Variants in JPT2 observed in about 807,000 individuals in gnomAD.
The protein encoded by JPT2 is CRAMP_1 like.
Under a neutral mutation model 15.9 loss-of-function variants are expected in JPT2, and 9 were observed. That is an observed-to-expected ratio of 0.57 (90% CI 0.34 to 0.99). The LOEUF is 0.99. Among genes scored for constraint, JPT2 ranks in the 50% least tolerant of loss-of-function variants. JPT2 has a pLI of 0.02. For missense variants in JPT2, 267 were observed against 252.1 expected, an observed-to-expected ratio of 1.06 and a Z score of -0.40; for synonymous variants, 95 against 91.7, an observed-to-expected ratio of 1.04 and a Z score of -0.21.
At position 1,699,289 on chromosome 16, in the gene JPT2, C is replaced by T. The variant is rs1357591936; in HGVS notation, c.*291C>T. The T allele has an allele frequency of 3.4e-6, 2 of 591,884 alleles. No individual in the cohort carries two copies. The highest frequency in any genetic ancestry group is 1.5e-5 in the South Asian group (1 of 65,716). The allele number at this position is 591,884 out of a possible 1,614,324, so 36.7% of individuals were successfully genotyped here. A position where few individuals can be genotyped will look rare whatever the true frequency, so the allele number is the denominator to read the frequency against. ...GTGAGGGTGGGGAGGTGGGGCAGGG[C>T]ATGGTCCTTGGATCAACAGCCCGCC... On this transcript the variant is annotated 3_prime_UTR_variant, in exon 5 of 5. Coordinates refer to ENST00000248098, the MANE Select transcript of JPT2 (RefSeq NM_144570.3).
In JPT2 at chr16:1,700,784, C is replaced by T. The variant is rs1018398631; in HGVS notation, c.*1786C>T. ...GTTTTTTTATTGAGAAAATGATTCA[C>T]GAATTCCAAATCAGATTGCCAGGAA... On this transcript the variant is annotated 3_prime_UTR_variant, in exon 5 of 5. Transcript: ENST00000248098. The T allele has an allele frequency of 2.0e-5, 3 of 152,398 alleles. No individual in the cohort carries two copies. Among genetic ancestry groups the T allele is most frequent in the East Asian group, 1.9e-4 (1 of 5,198 alleles). 9.4% of individuals were successfully genotyped at this position (152,398 alleles called of 1,614,324 possible).
chr16:1,681,245 G>A (rs1316048186), intron 1 of JPT2, among the ~76,000 whole-genome samples: 6 of 152,100 alleles, frequency 3.9e-5, no homozygotes, highest in East Asian at 1.9e-4. Context: ...CCATTCATCC[G>A]AGACCCCTTT....
At chr16:1,697,537 T>C (rs2037151581) in intron 3 of JPT2, among the ~76,000 whole-genome samples, 1 of 152,166 alleles carries the variant, frequency 6.6e-6, no homozygotes, top group Non-Finnish European at 1.5e-5. Flanking sequence ...AAAATTGACT[T>C]TGATATTTAA....
intron 1 of JPT2, among the ~76,000 whole-genome samples, chr16:1,681,925 A>G (rs573293304): frequency 6.6e-6 from 1 of 152,366 alleles, no homozygotes; most frequent in East Asian, 1.9e-4. Context: ...GCCATATTTG[A>G]AATAAGTCAG....
At chr16:1,681,111 G>A (rs2037019188) in intron 1 of JPT2, among the ~76,000 whole-genome samples, 1 of 152,224 alleles carries the variant, frequency 6.6e-6, no homozygotes, top group Non-Finnish European at 1.5e-5. Context: ...CCAAATGTGT[G>A]AGCTCTAGCG....
intron 2 of JPT2, chr16:1,688,925 A>G (rs1418180100): frequency 1.3e-5 from 2 of 152,216 alleles, no homozygotes; most frequent in Non-Finnish European, 2.9e-5. Context: ...GCAGAGGTAC[A>G]TTGTTTAGTA....
chr16:1,683,099 C>G (rs2037036877), intron 1 of JPT2, among the ~76,000 whole-genome samples: 1 of 152,190 alleles, frequency 6.6e-6, no homozygotes, highest in African/African-American at 2.4e-5. Context: ...GCCCCAGCCT[C>G]CTGAGTAGCT....
intron 2 of JPT2, among the ~76,000 whole-genome samples, chr16:1,691,358 A>C (rs949603358): frequency 6.6e-6 from 1 of 152,246 alleles, no homozygotes; most frequent in African/African-American, 2.4e-5. Flanking sequence ...AGCCAGAATG[A>C]GGTCAGAAGA....
chr16:1,696,867 C>T (rs2037145845), intron 3 of JPT2, among the ~76,000 whole-genome samples: 3 of 152,182 alleles, frequency 2.0e-5, no homozygotes, highest in South Asian at 4.1e-4. Context: ...TCGTGCATTG[C>T]TAGTGGGATT....
At chr16:1,696,200 A>C (rs147695673) in intron 3 of JPT2, among the ~76,000 whole-genome samples, 6 of 151,642 alleles carry the variant, frequency 4.0e-5, no homozygotes, top group Non-Finnish European at 8.8e-5. Flanking sequence ...TTGCACTCCA[A>C]CCTGAGTGAC....
chr16:1,697,882 C>G, intron 4 of JPT2, 22 bp downstream of exon 4: 2 of 1,609,242 alleles, frequency 1.2e-6, no homozygotes, highest in Non-Finnish European at 1.7e-6. Context: ...TTTTCTTTCC[C>G]TTCTCCTGAG....
downstream of JPT2, chr16:1,702,265 C>A: frequency 4.6e-6 from 2 of 433,904 alleles, no homozygotes; most frequent in Non-Finnish European, 9.3e-6. Context: ...GAAAGAAAAC[C>A]AACATGCATT....
At chr16:1,702,413 C>T (rs1188027962), downstream of JPT2, 2 of 310,760 alleles carry the variant, frequency 6.4e-6, no homozygotes, top group Admixed American at 3.9e-5. Flanking sequence ...CTCTGGGAGT[C>T]ACAGCTCCTC....
intron 3 of JPT2, among the ~76,000 whole-genome samples, chr16:1,695,427 T>A (rs1342643993): frequency 1.4e-5 from 2 of 147,124 alleles, no homozygotes; most frequent in Non-Finnish European, 3.0e-5. Context: ...AAAAAATCAG[T>A]TGCGTATGGT....
At position 1,679,708 on chromosome 16, in the gene JPT2, A is replaced by AC. The variant is rs556560108; in HGVS notation, c.44+1352_44+1353insC. Among the ~76,000 whole-genome samples the AC allele has an allele frequency of 1.4e-3, 209 of 149,860 alleles. 1 individual carries two copies. Among genetic ancestry groups the AC allele is most frequent in the African/African-American group, 4.8e-3 (196 of 40,732 alleles). ...CAAGACTCCGTCTCAAAAAAAAAAA[A>AC]AACCCTTTAGATTTGAGGGAGTTAG... On this transcript the variant is annotated intron_variant, in intron 1 of 4. Coordinates refer to ENST00000248098, the MANE Select transcript of JPT2 (RefSeq NM_144570.3).
intron 2 of JPT2, among the ~76,000 whole-genome samples, chr16:1,691,478 T>C (rs150497098): frequency 1.8e-4 from 28 of 152,320 alleles, no homozygotes; most frequent in African/African-American, 6.3e-4. Context: ...ATTTTTAATC[T>C]ACTGAAGAAC....
chr16:1,683,132 A>G (rs990049957), intron 1 of JPT2, among the ~76,000 whole-genome samples: 2 of 151,914 alleles, frequency 1.3e-5, no homozygotes, highest in Non-Finnish European at 2.9e-5. Context: ...GTCCGCCACC[A>G]CGCCCGGCTA....
chr16:1,697,170 TATGGATGAAATATTACAGC>T (rs1410315503), intron 3 of JPT2, among the ~76,000 whole-genome samples: 4 of 152,208 alleles, frequency 2.6e-5, no homozygotes, highest in Non-Finnish European at 5.9e-5. Flanking sequence ...ATGAAATTAT[TATGGATGAAATATTACAGC>T]ATGGATGAAA....
In JPT2 at chr16:1,700,073, GA is replaced by G. The variant is rs1486599409; in HGVS notation, c.*1081del. On this transcript the variant is annotated 3_prime_UTR_variant, in exon 5 of 5. Coordinates refer to ENST00000248098, the MANE Select transcript of JPT2 (RefSeq NM_144570.3). Reference sequence around the variant, plus strand: ...CTGGTCTGTTTCTGACACCTTTCCAGAAAAAAGTCAATTGTTCAGGTACACC... The same window carrying G: ...CTGGTCTGTTTCTGACACCTTTCCAGAAAAAGTCAATTGTTCAGGTACACC... 2.0e-5 allele frequency: 9 copies of G among 442,668 alleles called. No individual in the cohort carries two copies. The highest frequency in any genetic ancestry group is 1.6e-5 in the South Asian group (1 of 63,832). 27.4% of individuals were successfully genotyped at this position (442,668 alleles called of 1,614,324 possible). A position where few individuals can be genotyped will look rare whatever the true frequency, so the allele number is the denominator to read the frequency against.
Sources: gnomAD v4.1 joint callset for allele counts (sites outside exome capture counted in the v4.1 genomes callset) on GRCh38, gnomAD v4.1.1 for gene constraint, MANE v1.5 for transcripts, NCBI Gene and HGNC (gene_info 2026-07-23, HGNC 2026-07-21) for gene names.